The following CCBE1 variants were observed in gnomAD, a reference collection of about 807,000 sequenced individuals.
CCBE1 encodes collagen and calcium-binding EGF domain-containing protein 1.
In CCBE1, 37 loss-of-function variants were observed where a neutral mutation model predicts 50.0. The observed-to-expected ratio is 0.74, with a 90% CI of 0.57 to 0.97. CCBE1 has a LOEUF of 0.97. Ranked by LOEUF, CCBE1 falls within the 50% of genes least tolerant of loss-of-function variation. The pLI is 0.00. For missense variants in CCBE1, 538 were observed against 523.8 expected (o/e 1.03, Z -0.26); for synonymous variants, 234 against 203.7 (o/e 1.15, Z -1.27).
At chr18:59,684,883 G>A (rs941357155) in intron 2 of CCBE1, among the ~76,000 whole-genome samples, 1 of 152,180 alleles carries the variant, frequency 6.6e-6, no homozygotes, top group African/African-American at 2.4e-5. Context: ...TTTGTTTTCT[G>A]GGGTGGAGGG....
intron 2 of CCBE1, among the ~76,000 whole-genome samples, chr18:59,693,226 C>T (rs1238161868): frequency 6.6e-6 from 1 of 152,124 alleles, no homozygotes. Flanking sequence ...AAGAATGGCT[C>T]AGTCCTCTCT....
rs146585210 is a variant in CCBE1, at chr18:59,561,432, TC to T, written c.213-81195del. ...TGTAAGTTACATGGACGTGCTTTGG[TC>T]AAGGAATAGACCGAGGCAGACATCC... On this transcript the variant is annotated intron_variant, in intron 2 of 10. Transcript: ENST00000439986. 3.8e-3 allele frequency among the ~76,000 whole-genome samples: 582 copies of T among 152,196 alleles called. 8 individuals carry two copies. The highest frequency in any genetic ancestry group is 0.013 in the African/African-American group (527 of 41,524).
At chr18:59,614,343 A>G (rs2053611432) in intron 2 of CCBE1, among the ~76,000 whole-genome samples, 1 of 152,218 alleles carries the variant, frequency 6.6e-6, no homozygotes, top group Non-Finnish European at 1.5e-5. Flanking sequence ...AATATATTTA[A>G]AGAACAGATG....
chr18:59,495,082 A>G (rs112670322), intron 2 of CCBE1, among the ~76,000 whole-genome samples: 5,358 of 151,798 alleles, frequency 0.035, 118 homozygotes, highest in Non-Finnish European at 0.053. Flanking sequence ...CGAAGGTTGC[A>G]GTGAGCCCGA....
chr18:59,434,564 C>G lies in CCBE1; in HGVS notation c.*1344G>C, dbSNP rs1206827189. On this transcript the variant is annotated 3_prime_UTR_variant, in exon 11 of 11. Transcript: ENST00000439986. Reference sequence around the variant, plus strand: ...CTTCCCTTTGCCACCCAGAGGTGCTCTGAGAAAACACTCTAACTCACTAGG... The same window carrying G: ...CTTCCCTTTGCCACCCAGAGGTGCTGTGAGAAAACACTCTAACTCACTAGG... 1.3e-5 allele frequency: 2 copies of G among 152,162 alleles called. No individual in the cohort carries two copies. The highest frequency in any genetic ancestry group is 4.8e-5 in the African/African-American group (2 of 41,422). The allele number at this position is 152,162 out of a possible 1,614,324, so 9.4% of individuals were successfully genotyped here.
chr18:59,486,883 A>ATTTATTTACGTGTAAGCTT (rs1912846982), intron 2 of CCBE1, among the ~76,000 whole-genome samples: 1 of 151,962 alleles, frequency 6.6e-6, no homozygotes, highest in South Asian at 2.1e-4. Context: ...CTACCTATTT[A>ATTTATTTACGTGTAAGCTT]TTTATTTACG....
At chr18:59,480,450 C>G (rs906998218) in intron 2 of CCBE1, among the ~76,000 whole-genome samples, 3 of 152,224 alleles carry the variant, frequency 2.0e-5, no homozygotes, top group African/African-American at 7.2e-5. Flanking sequence ...CTTTCTGCTA[C>G]ATAATATATG....
At chr18:59,590,176 C>T (rs2053242293) in intron 2 of CCBE1, among the ~76,000 whole-genome samples, 1 of 152,092 alleles carries the variant, frequency 6.6e-6, no homozygotes, top group South Asian at 2.1e-4. Context: ...TTAGCCAAAT[C>T]AATTAGAGGC....
intron 2 of CCBE1, among the ~76,000 whole-genome samples, chr18:59,561,882 A>C (rs572157401): frequency 6.6e-6 from 1 of 152,256 alleles, no homozygotes; most frequent in Non-Finnish European, 1.5e-5. Context: ...CCTGCTGAGA[A>C]AGCTACTTTG....
intron 2 of CCBE1, among the ~76,000 whole-genome samples, chr18:59,640,269 G>C (rs534703595): frequency 1.2e-3 from 182 of 152,274 alleles, no homozygotes; most frequent in African/African-American, 4.2e-3. Context: ...GCATGGTGCT[G>C]ATACCAAAAC....
chr18:59,518,928 T>C (rs548854130), intron 2 of CCBE1, among the ~76,000 whole-genome samples: 3 of 152,322 alleles, frequency 2.0e-5, no homozygotes, highest in African/African-American at 7.2e-5. Flanking sequence ...TAACTTTATA[T>C]GATTCCCAGA....
intron 2 of CCBE1, among the ~76,000 whole-genome samples, chr18:59,616,683 G>A (rs1348339666): frequency 6.6e-6 from 1 of 152,192 alleles, no homozygotes; most frequent in Non-Finnish European, 1.5e-5. Context: ...ACACAAAAGA[G>A]TCTGTTAAGG....
rs1052383328 is a variant in CCBE1 at position 59,466,749 on chromosome 18, G to A, written c.543C>T (p.Pro181=). The A allele has an allele frequency of 6.8e-6, 11 of 1,612,502 alleles. No individual in the cohort carries two copies. Among genetic ancestry groups the A allele is most frequent in the African/African-American group, 2.7e-5 (2 of 74,808 alleles). ...GKTCTRGDKY[P]NDTGHEKSEN... is the part of the protein sequence containing the mutation. The stretch of plus-strand genomic sequence containing the variant: ...ACTTGCCCTACTTACCAGTGTCATT[G>A]GGATATTTGTCTCCCCTGGTACATG... Residue 181 remains proline, a synonymous_variant, in exon 5 of 11, where the codon CCC becomes CCT. Coordinates refer to ENST00000439986, the MANE Select transcript of CCBE1 (RefSeq NM_133459.4).
intron 2 of CCBE1, among the ~76,000 whole-genome samples, chr18:59,594,756 G>A (rs2053325963): frequency 6.6e-6 from 1 of 152,092 alleles, no homozygotes; most frequent in Admixed American, 6.6e-5. Flanking sequence ...CACCCTATGA[G>A]TAGGGATGAA....
In CCBE1 at chr18:59,681,626, G is replaced by A. The variant is rs573776049; in HGVS notation, c.212+15003C>T. Among the ~76,000 whole-genome samples, 8 of 152,314 alleles carry A rather than the reference G, an allele frequency of 5.3e-5. 1 individual carries two copies. In the South Asian group the frequency reaches 1.7e-3, roughly 32 times the overall value. On this transcript the variant is annotated intron_variant, in intron 2 of 10. Coordinates refer to ENST00000439986, the MANE Select transcript of CCBE1 (RefSeq NM_133459.4). The stretch of plus-strand genomic sequence containing the variant: ...TGCGAGCCAGCCAGTGGCCAGCCAG[G>A]GCCCTTAACACTTTGATGGGCTCCT...
intron 2 of CCBE1, among the ~76,000 whole-genome samples, chr18:59,618,963 A>G (rs9957033): frequency 0.025 from 3,772 of 152,214 alleles, 143 homozygotes; most frequent in African/African-American, 0.086. Flanking sequence ...TTATATTAGG[A>G]CTGCTAACTG....
At chr18:59,469,251 T>A (rs1432448235) in intron 4 of CCBE1, among the ~76,000 whole-genome samples, 1 of 152,258 alleles carries the variant, frequency 6.6e-6, no homozygotes, top group South Asian at 2.1e-4. Flanking sequence ...CTCTTATGTC[T>A]CATTGCCAAT....
At chr18:59,612,295 AAAAAAAAAAAG>A (rs1568233693) in intron 2 of CCBE1, among the ~76,000 whole-genome samples, 1 of 52,006 alleles carries the variant, frequency 1.9e-5, no homozygotes, top group African/African-American at 8.8e-5. Context: ...AAGTATAATA[AAAAAAAAAAAG>A]AAAAAAAAAG....
intron 2 of CCBE1, among the ~76,000 whole-genome samples, chr18:59,482,561 A>G (rs937246430): frequency 2.6e-5 from 4 of 152,250 alleles, no homozygotes; most frequent in South Asian, 2.1e-4. Context: ...AGCAAAAATA[A>G]TAACATACAT....
Sources: allele counts gnomAD v4.1 joint callset (sites outside exome capture counted in the v4.1 genomes callset), GRCh38; gene constraint gnomAD v4.1.1; transcripts MANE v1.5; gene names NCBI Gene and HGNC (gene_info 2026-07-23, HGNC 2026-07-21).